The following SLC7A10 variants were observed in gnomAD, a reference collection of about 807,000 sequenced individuals.
SLC7A10 encodes the protein asc-type amino acid transporter 1.
SLC7A10 carries 30 observed loss-of-function variants against 52.7 expected under a neutral mutation model. The ratio of observed to expected loss-of-function variants is 0.57; its 90% CI spans 0.43 to 0.77. The LOEUF (loss-of-function observed/expected upper bound fraction) is 0.77. Ranked by LOEUF, SLC7A10 falls within the 30% of genes least tolerant of loss-of-function variation. The probability of loss-of-function intolerance (pLI) is 0.00; values close to 1 mark genes in which losing one functional copy is unlikely to be tolerated. For synonymous variants in SLC7A10, 318 were observed against 314.9 expected (o/e 1.01, Z -0.10); for missense variants, 581 against 698.5 (o/e 0.83, Z 1.90).
Position 33,214,754 on chromosome 19 carries a change from G to A in SLC7A10, c.356+1015C>T, listed in dbSNP as rs116469449. ...GAGTCCTCCCTAGATGGCGCACACCGTTCTCTTTGCTGTGTAGCTGCTGCC... is the reference window on the plus strand; with the variant it reads ...GAGTCCTCCCTAGATGGCGCACACCATTCTCTTTGCTGTGTAGCTGCTGCC... On this transcript the variant is annotated intron_variant, in intron 2 of 10. Coordinates refer to ENST00000253188, the MANE Select transcript of SLC7A10 (RefSeq NM_019849.3). Among the ~76,000 whole-genome samples, 571 of 152,332 alleles carry A rather than the reference G, an allele frequency of 3.7e-3. 1 individual carries two copies. The highest frequency in any genetic ancestry group is 0.014 in the Middle Eastern group (4 of 294).
chr19:33,209,203 C>T (rs1599943416), intron 10 of SLC7A10, 105 bp downstream of exon 10: 11 of 1,548,342 alleles, frequency 7.1e-6, no homozygotes, highest in East Asian at 4.6e-5. Context: ...TGTGTTCCCA[C>T]CTCAGCTGCT....
chr19:33,224,807 GC>G (rs1233766628), intron 1 of SLC7A10, among the ~76,000 whole-genome samples: 2 of 152,188 alleles, frequency 1.3e-5, no homozygotes, highest in African/African-American at 4.8e-5. Context: ...CTATGTGGGG[GC>G]AGGACATGGA....
intron 1 of SLC7A10, among the ~76,000 whole-genome samples, chr19:33,224,188 A>G (rs1180368623): frequency 6.6e-6 from 1 of 152,144 alleles, no homozygotes; most frequent in Non-Finnish European, 1.5e-5. Flanking sequence ...TGACCCACTC[A>G]TGGTGTGAGC....
At chr19:33,224,696 T>C (rs1278667004) in intron 1 of SLC7A10, among the ~76,000 whole-genome samples, 1 of 152,124 alleles carries the variant, frequency 6.6e-6, no homozygotes, top group African/African-American at 2.4e-5. Context: ...GCACTCTGTG[T>C]AGACAAAGAA....
chr19:33,212,032 C>T (rs909774698), intron 5 of SLC7A10: 1 of 584,646 alleles, frequency 1.7e-6, no homozygotes, highest in Non-Finnish European at 3.0e-6. Context: ...ATCTCTGGAT[C>T]TATTTACAGC....
At chr19:33,217,593 C>T (rs1436984758) in intron 1 of SLC7A10, among the ~76,000 whole-genome samples, 1 of 152,142 alleles carries the variant, frequency 6.6e-6, no homozygotes, top group African/African-American at 2.4e-5. Context: ...GGACCAACAT[C>T]GTTCTCTATG....
chr19:33,209,111 C>A (rs974333090), intron 10 of SLC7A10, 90 bp from the exon 11 acceptor site: 1 of 1,591,382 alleles, frequency 6.3e-7, no homozygotes, highest in South Asian at 1.1e-5. Flanking sequence ...CAGGGGTCTT[C>A]AGGGAGTTGC....
intron 1 of SLC7A10, 149 bp downstream of exon 1, chr19:33,225,403 TC>T: frequency 2.0e-6 from 2 of 975,714 alleles, no homozygotes; most frequent in South Asian, 2.9e-5. Context: ...GCCCCTGACC[TC>T]CCCGCGGTCA....
chr19:33,210,909 G>A lies in SLC7A10; in HGVS notation c.1017-11C>T, dbSNP rs1171696547. 1 of 1,611,886 alleles carries A rather than the reference G, an allele frequency of 6.2e-7. No individual in the cohort carries two copies. Among genetic ancestry groups the A allele is most frequent in the Non-Finnish European group, 8.5e-7 (1 of 1,178,840 alleles). ...CCAGAGAAGCACAGCCTAGCGTTGG[G>A]GACAGATATGGGCACTGGCCACATC... On this transcript the variant is annotated splice_polypyrimidine_tract_variant and intron_variant, in intron 7 of 10. Coordinates refer to ENST00000253188, the MANE Select transcript of SLC7A10 (RefSeq NM_019849.3). This position sits in a 1 kb window ranked among gnomAD's most constrained non-coding sequence, Gnocchi z 5.6.
intron 1 of SLC7A10, among the ~76,000 whole-genome samples, chr19:33,224,935 T>C (rs1974890180): frequency 6.6e-6 from 1 of 152,232 alleles, no homozygotes; most frequent in Non-Finnish European, 1.5e-5. Flanking sequence ...GTCTGCCCAC[T>C]GCTGCCCCCA....
chr19:33,222,419 AAAATATAAAATAAAATAAAATAAAAT>A (rs1245230610), intron 1 of SLC7A10, among the ~76,000 whole-genome samples: 3 of 95,342 alleles, frequency 3.1e-5, no homozygotes, highest in East Asian at 5.1e-4. Flanking sequence ...AATATAAAAT[AAAATATAAAATAAAATAAAATAAAAT>A]AAATAAAATA....
rs1285429418 is a variant in SLC7A10 at position 33,215,854 on chromosome 19, G to A, written c.271C>T (p.Leu91Phe). The change falls in exon 2 of 11, where the codon CTC becomes TTC. Residue 91 changes from leucine to phenylalanine, a missense_variant. By Grantham distance (22) the Leu-to-Phe change is conservative. Coordinates refer to ENST00000253188, the MANE Select transcript of SLC7A10 (RefSeq NM_019849.3). ...GCGACTCCCAGCTCTGCATAGCAGA[G>A]GGAGCCCAGAGCCGTCACGCCCCCA... ...LGGGVTALGS[L>F]CYAELGVAIP... The A allele has an allele frequency of 5.0e-6, 8 of 1,602,356 alleles. No homozygotes were observed. The highest frequency in any genetic ancestry group is 6.8e-6 in the Non-Finnish European group (8 of 1,174,856).
chr19:33,215,842 C>G lies in SLC7A10; in HGVS notation c.283G>C (p.Glu95Gln), dbSNP rs1242033512. 1.3e-6 allele frequency: 2 copies of G among 1,596,834 alleles called. No individual in the cohort carries two copies. The highest frequency in any genetic ancestry group is 2.3e-5 in the East Asian group (1 of 43,968). ...VTALGSLCYA[E>Q]LGVAIPKSGG... Reference sequence around the variant, plus strand: ...GACTTGGGGATGGCGACTCCCAGCTCTGCATAGCAGAGGGAGCCCAGAGCC... The same window carrying G: ...GACTTGGGGATGGCGACTCCCAGCTGTGCATAGCAGAGGGAGCCCAGAGCC... Residue 95 changes from glutamate to glutamine, a missense_variant, in exon 2 of 11, where the codon GAG becomes CAG. Physicochemically the swap from Glu to Gln is conservative, Grantham distance 29. Coordinates refer to ENST00000253188, the MANE Select transcript of SLC7A10 (RefSeq NM_019849.3).
intron 2 of SLC7A10, 152 bp from the exon 3 acceptor site, chr19:33,213,154 G>C: frequency 1.0e-6 from 1 of 988,522 alleles, no homozygotes; most frequent in Non-Finnish European, 1.5e-6. Flanking sequence ...AGGCAGGGTT[G>C]ACCTTGTTGA....
chr19:33,219,671 C>A (rs1438383639), intron 1 of SLC7A10, among the ~76,000 whole-genome samples: 1 of 152,338 alleles, frequency 6.6e-6, no homozygotes, highest in Non-Finnish European at 1.5e-5. Flanking sequence ...GGGGATGCAC[C>A]CTGCATATCT....
At chr19:33,219,775 C>T (rs1974774912) in intron 1 of SLC7A10, 1 of 152,492 alleles carries the variant, frequency 6.6e-6, no homozygotes, top group Admixed American at 6.5e-5. Flanking sequence ...GCAGCACCAC[C>T]TCCAGGAAGC....
In SLC7A10 at chr19:33,210,811, G is replaced by A; in HGVS notation, c.1104C>T (p.Leu368=). Residue 368 remains leucine, a synonymous_variant, in exon 8 of 11, where the codon CTC becomes CTT. Coordinates refer to ENST00000253188, the MANE Select transcript of SLC7A10 (RefSeq NM_019849.3). This position sits in a 1 kb window ranked among gnomAD's most constrained non-coding sequence, Gnocchi z 5.6. ...HVRHCTPIPA[L]LVCCGATAVI... ...AGGTCCCCCAACTTACACAGACGAG[G>A]AGGGCGGGGATGGGGGTGCAGTGTC... 6.2e-7 allele frequency: 1 copy of A among 1,613,560 alleles called. No individual in the cohort carries two copies. Among genetic ancestry groups the A allele is most frequent in the Non-Finnish European group, 8.5e-7 (1 of 1,180,030 alleles).
intron 5 of SLC7A10, 176 bp from the exon 6 acceptor site, chr19:33,211,713 C>T (rs899558718): frequency 3.8e-5 from 47 of 1,229,888 alleles, no homozygotes; most frequent in Non-Finnish European, 5.1e-5. Context: ...TGCCCTGCCC[C>T]ACCCCCACCT....
chr19:33,223,430 C>T (rs1974856155), intron 1 of SLC7A10, among the ~76,000 whole-genome samples: 1 of 152,062 alleles, frequency 6.6e-6, no homozygotes, highest in Non-Finnish European at 1.5e-5. Context: ...TGACCAGGCT[C>T]CCCAGGGTAT....
Sources: gnomAD v4.1 joint callset for allele counts (sites outside exome capture counted in the v4.1 genomes callset) on GRCh38, gnomAD v4.1.1 for gene constraint, Gnocchi (gnomAD v3.1) non-coding constraint, MANE v1.5 for transcripts, NCBI Gene and HGNC (gene_info 2026-07-23, HGNC 2026-07-21) for gene names.